SHC4: variants seen among roughly 807,000 people sequenced by gnomAD.
The protein encoded by SHC4 is SHC adaptor protein 4, also known as SHC-transforming protein 4.
In SHC4, 41 loss-of-function variants were observed where a neutral mutation model predicts 69.4. That is an observed-to-expected ratio of 0.59 (90% CI 0.46 to 0.77). The LOEUF is 0.77. SHC4 is among the 30% of genes least tolerant of loss of function. The pLI, the probability that SHC4 is intolerant of heterozygous loss-of-function variation, is 0.00. For missense variants in SHC4, 777 were observed against 783.8 expected (o/e 0.99, Z 0.10); for synonymous variants, 318 against 299.3 (o/e 1.06, Z -0.64).
At chr15:48,957,439 G>A (rs1272372413) in intron 1 of SHC4, among the ~76,000 whole-genome samples, 3 of 152,174 alleles carry the variant, frequency 2.0e-5, no homozygotes, top group South Asian at 2.1e-4. Flanking sequence ...GTAACATTGT[G>A]GTACTGTGGA....
intron 1 of SHC4, among the ~76,000 whole-genome samples, chr15:48,935,798 C>T (rs1039210090): frequency 1.3e-5 from 2 of 152,064 alleles, no homozygotes; most frequent in Admixed American, 1.3e-4. Context: ...AGATGAGCTG[C>T]TTGGAACACA....
intron 2 of SHC4, among the ~76,000 whole-genome samples, chr15:48,914,910 A>G (rs1900587538): frequency 6.6e-6 from 1 of 152,194 alleles, no homozygotes; most frequent in African/African-American, 2.4e-5. Context: ...ATTAAACAGT[A>G]ACTCCCCCTA....
At chr15:48,959,500 G>A (rs1901504269) in intron 1 of SHC4, among the ~76,000 whole-genome samples, 2 of 152,128 alleles carry the variant, frequency 1.3e-5, no homozygotes, top group Non-Finnish European at 2.9e-5. Context: ...AAATAAGTTG[G>A]GGCAGGGAGA....
At chr15:48,855,009 T>C (rs1043574606) in intron 8 of SHC4, among the ~76,000 whole-genome samples, 12 of 151,960 alleles carry the variant, frequency 7.9e-5, no homozygotes, top group Admixed American at 3.3e-4. Context: ...AAGTGAACAA[T>C]AGACACACTG....
chr15:48,865,924 G>T (rs920102502), intron 6 of SHC4, among the ~76,000 whole-genome samples: 1 of 152,140 alleles, frequency 6.6e-6, no homozygotes, highest in East Asian at 1.9e-4. Context: ...TTAAGCAAAG[G>T]GAGAGCTTTG....
At chr15:48,938,914 G>A (rs12323963) in intron 1 of SHC4, among the ~76,000 whole-genome samples, 26,720 of 152,082 alleles carry the variant, frequency 0.18, 2,421 homozygotes, top group East Asian at 0.19. Context: ...AGCTTTACAC[G>A]TACTGGCTGT....
At chr15:48,921,334 T>G (rs1222469522) in intron 2 of SHC4, among the ~76,000 whole-genome samples, 1 of 151,058 alleles carries the variant, frequency 6.6e-6, no homozygotes, top group Non-Finnish European at 1.5e-5. Flanking sequence ...AGTTATCGTT[T>G]TTTTTTTTTT....
intron 2 of SHC4, among the ~76,000 whole-genome samples, chr15:48,916,001 C>A (rs1354184159): frequency 6.6e-6 from 1 of 152,118 alleles, no homozygotes; most frequent in Non-Finnish European, 1.5e-5. Flanking sequence ...AATCCACATA[C>A]CATATGCTGT....
intron 10 of SHC4, among the ~76,000 whole-genome samples, chr15:48,842,406 G>T (rs1193285189): frequency 6.6e-6 from 1 of 152,154 alleles, no homozygotes; most frequent in Non-Finnish European, 1.5e-5. Context: ...TTCAGCAAAA[G>T]TACGTAGTAG....
chr15:48,906,348 G>A (rs938894952), intron 2 of SHC4, among the ~76,000 whole-genome samples: 1 of 152,170 alleles, frequency 6.6e-6, no homozygotes, highest in African/African-American at 2.4e-5. Context: ...TTGATCTAAT[G>A]TCTTCTTTTC....
At chr15:48,956,974 CTTTTTT>C (rs773067812) in intron 1 of SHC4, among the ~76,000 whole-genome samples, 35 of 19,560 alleles carry the variant, frequency 1.8e-3, no homozygotes, top group South Asian at 0.012. Flanking sequence ...TTCTTTCTTT[CTTTTTT>C]TTTTTTTTTT....
At chr15:48,937,753 CAAA>C (rs1362681286) in intron 1 of SHC4, among the ~76,000 whole-genome samples, 1 of 152,142 alleles carries the variant, frequency 6.6e-6, no homozygotes, top group Non-Finnish European at 1.5e-5. Flanking sequence ...AGTGACTTGA[CAAA>C]AGATTGCTGC....
rs1227153527 is a variant in SHC4 at position 48,854,086 on chromosome 15, G to T, written c.1242+1867C>A. ...TCACAATCACTACGCATCCAAAAAG[G>T]TCTAATATGTAGAATCTATAAGAAA... On this transcript the variant is annotated intron_variant, in intron 8 of 11. Transcript: ENST00000332408. Among the ~76,000 whole-genome samples, 9 of 152,064 alleles carry T rather than the reference G, an allele frequency of 5.9e-5. No individual in the cohort carries two copies. The East Asian group carries it at 1.7e-3, about 29-fold the overall frequency.
intron 6 of SHC4, among the ~76,000 whole-genome samples, chr15:48,859,495 T>G (rs1223186008): frequency 6.6e-6 from 1 of 152,170 alleles, no homozygotes; most frequent in Non-Finnish European, 1.5e-5. Context: ...ATCTATAAAT[T>G]TATGTCTTTC....
intron 9 of SHC4, among the ~76,000 whole-genome samples, chr15:48,849,430 T>C (rs1345670855): frequency 1.3e-5 from 2 of 152,236 alleles, no homozygotes; most frequent in African/African-American, 4.8e-5. Context: ...ACACTCTTCA[T>C]ATTTGTAGGC....
chr15:48,950,403 A>G (rs978660916), intron 1 of SHC4, among the ~76,000 whole-genome samples: 1 of 151,908 alleles, frequency 6.6e-6, no homozygotes, highest in Non-Finnish European at 1.5e-5. Context: ...TAGAAGACAT[A>G]TCTACTTTAT....
At chr15:48,904,134 C>A (rs929210202) in intron 2 of SHC4, among the ~76,000 whole-genome samples, 5 of 152,166 alleles carry the variant, frequency 3.3e-5, no homozygotes, top group African/African-American at 1.2e-4. Flanking sequence ...TTTCCTTATT[C>A]TGACCCTTCT....
intron 2 of SHC4, among the ~76,000 whole-genome samples, chr15:48,921,971 C>A (rs1003465656): frequency 9.9e-5 from 15 of 152,118 alleles, no homozygotes; most frequent in Non-Finnish European, 1.8e-4. Context: ...TTAATAGACA[C>A]CCTCTCTAGG....
rs760972556 is a variant in SHC4 at position 48,884,362 on chromosome 15, T to C, written c.726A>G (p.Pro242=). The part of the protein sequence containing the change: ...ANGAIKKRKP[P]VKFLSTVLGK... ...CAAGGACTGTTGATAGGAACTTAAC[T>C]GGAGGCTTTAAAAATTAAAGAAGAA... The change falls in exon 4 of 12, where the codon CCA becomes CCG. Residue 242 remains proline, a synonymous_variant. Coordinates refer to ENST00000332408, the MANE Select transcript of SHC4 (RefSeq NM_203349.4). The C allele has an allele frequency of 4.4e-6, 7 of 1,583,764 alleles. No homozygotes were observed. Among genetic ancestry groups the C allele is most frequent in the Admixed American group, 1.9e-5 (1 of 51,722 alleles).
Sources: gnomAD v4.1 joint callset for allele counts (sites outside exome capture counted in the v4.1 genomes callset) on GRCh38, gnomAD v4.1.1 for gene constraint, MANE v1.5 for transcripts, NCBI Gene and HGNC (gene_info 2026-07-23, HGNC 2026-07-21) for gene names.